The following HERC4 variants were observed in gnomAD, a reference collection of about 807,000 sequenced individuals.
HERC4 encodes HECT and RLD domain containing E3 ubiquitin protein ligase 4, also known as probable E3 ubiquitin-protein ligase HERC4.
In HERC4, 28 loss-of-function variants were observed where a neutral mutation model predicts 124.3. That is an observed-to-expected ratio of 0.23 (90% CI 0.17 to 0.31). The LOEUF is 0.31. Ranked by LOEUF, HERC4 falls within the 10% of genes least tolerant of loss-of-function variation. The pLI, the probability that HERC4 is intolerant of heterozygous loss-of-function variation, is 1.00. For missense variants in HERC4, 713 were observed against 1,229.3 expected (o/e 0.58, Z 6.28); for synonymous variants, 407 against 421.5 (o/e 0.97, Z 0.42).
Position 67,992,224 on chromosome 10 carries a change from C to T in HERC4, c.1246G>A (p.Gly416Arg), listed in dbSNP as rs1376472825. The change falls in exon 11 of 25, where the codon GGA becomes AGA. Residue 416 changes from glycine (G) to arginine (R), a missense_variant. By Grantham distance (125) the Gly-to-Arg change is moderately radical. Transcript: ENST00000373700. ...TTGGCTATCTCCACAGGAAACCTTC[C>T]AGAAGGATAGCTCAGCCATTTCTGA... Reference protein sequence around the residue: ...LIQKWLSYPSGRFPVEIANEI... With the variant: ...LIQKWLSYPSRRFPVEIANEI... 6.2e-7 allele frequency: 1 copy of T among 1,613,868 alleles called. No homozygotes were observed. Among genetic ancestry groups the T allele is most frequent in the East Asian group, 2.2e-5 (1 of 44,884 alleles).
chr10:67,927,706 T>C (rs2031290963), intron 23 of HERC4, among the ~76,000 whole-genome samples: 1 of 152,048 alleles, frequency 6.6e-6, no homozygotes, highest in Non-Finnish European at 1.5e-5. Flanking sequence ...ATTACAGGCA[T>C]GAGCCACTGC....
At chr10:67,989,267 T>C (rs192069466) in intron 14 of HERC4, among the ~76,000 whole-genome samples, 8 of 152,232 alleles carry the variant, frequency 5.3e-5, no homozygotes, top group Admixed American at 5.2e-4. Flanking sequence ...GTTGAAATAT[T>C]GTGAACCACT....
intron 15 of HERC4, among the ~76,000 whole-genome samples, chr10:67,968,917 C>A (rs2035062516): frequency 6.6e-6 from 1 of 152,110 alleles, no homozygotes; most frequent in African/African-American, 2.4e-5. Flanking sequence ...ATCTGAATAA[C>A]AATTTAAACC....
intron 8 of HERC4, among the ~76,000 whole-genome samples, chr10:68,020,328 C>A (rs1357511248): frequency 6.6e-6 from 1 of 151,882 alleles, no homozygotes; most frequent in African/African-American, 2.4e-5. Flanking sequence ...TAGAAACTAT[C>A]CCTGAGAAAG....
At position 67,991,024 on chromosome 10, in the gene HERC4, CAGAAAAGAAAAAAAAAAAT is replaced by C; in HGVS notation, c.1332-28_1332-10del. On this transcript the variant is annotated splice_polypyrimidine_tract_variant and intron_variant, in intron 12 of 24. Coordinates refer to ENST00000373700, the MANE Select transcript of HERC4 (RefSeq NM_015601.4). Reference sequence around the variant, plus strand: ...TATAGTGATCATCATTGCTAAAAAACAGAAAAGAAAAAAAAAAATAGAATAAAAATTTAAAATTATTTCA... The same window carrying C: ...TATAGTGATCATCATTGCTAAAAAACAGAATAAAAATTTAAAATTATTTCA... The C allele has an allele frequency of 7.8e-7, 1 of 1,280,020 alleles. No homozygotes were observed. The highest frequency in any genetic ancestry group is 1.0e-6 in the Non-Finnish European group (1 of 999,070). 79.3% of individuals were successfully genotyped at this position (1,280,020 alleles called of 1,614,324 possible).
chr10:68,025,719 A>C, intron 7 of HERC4, 43 bp from the exon 8 acceptor site: 1 of 1,559,062 alleles, frequency 6.4e-7, no homozygotes, highest in Non-Finnish European at 8.7e-7. Context: ...GGCATGATAA[A>C]AGAAAATAAC....
intron 8 of HERC4, among the ~76,000 whole-genome samples, chr10:68,019,419 T>C (rs1344867953): frequency 6.6e-6 from 1 of 152,058 alleles, no homozygotes; most frequent in Non-Finnish European, 1.5e-5. Flanking sequence ...ATTGAAAAAT[T>C]AGAGATCACA....
rs999049766 is a variant in HERC4 at position 68,073,675 on chromosome 10, T to C, written c.-97A>G. The C allele has an allele frequency of 2.0e-5, 3 of 152,166 alleles. No homozygotes were observed. The highest frequency in any genetic ancestry group is 7.2e-5 in the African/African-American group (3 of 41,410). 9.4% of individuals were successfully genotyped at this position (152,166 alleles called of 1,614,324 possible). On this transcript the variant is annotated 5_prime_UTR_variant, in exon 2 of 25. Transcript: ENST00000373700. The stretch of plus-strand genomic sequence containing the variant: ...TACCTACCTCCACATCAACAGAAAA[T>C]GGAGTTCTTATCTGTAACAGAAATA...
chr10:67,980,862 T>C (rs1176012973), intron 15 of HERC4, among the ~76,000 whole-genome samples: 1 of 152,176 alleles, frequency 6.6e-6, no homozygotes, highest in African/African-American at 2.4e-5. Context: ...AGATAGTATC[T>C]GCAAGCCCCA....
chr10:68,069,504 A>C, intron 3 of HERC4: 1 of 985,438 alleles, frequency 1.0e-6, no homozygotes, highest in East Asian at 1.1e-4. Flanking sequence ...GTGGTCCCTA[A>C]AAAGTCCAGA....
chr10:67,998,558 A>C (rs2037035438), intron 9 of HERC4, among the ~76,000 whole-genome samples: 1 of 38,482 alleles, frequency 2.6e-5, no homozygotes, highest in East Asian at 4.9e-4. Flanking sequence ...ATTGAAAAAA[A>C]AAAAAGGGGG....
intron 9 of HERC4, 168 bp from the exon 10 acceptor site, chr10:67,992,850 C>A (rs927331750): frequency 9.6e-6 from 5 of 521,932 alleles, no homozygotes; most frequent in South Asian, 5.5e-5. Context: ...GGGGATGAGA[C>A]TGACCAAATG....
At chr10:68,025,801 A>T (rs2038868265) in intron 7 of HERC4, 125 bp from the exon 8 acceptor site, 2 of 835,062 alleles carry the variant, frequency 2.4e-6, no homozygotes, top group East Asian at 5.7e-5. Flanking sequence ...CTGTCTTCAC[A>T]ATTTAACAGA....
intron 9 of HERC4, among the ~76,000 whole-genome samples, chr10:68,009,719 C>T: frequency 6.6e-6 from 1 of 152,162 alleles, no homozygotes; most frequent in East Asian, 1.9e-4. Flanking sequence ...CCAGGAGATG[C>T]TGCATGATAG....
chr10:68,072,823 T>C, intron 3 of HERC4, 60 bp downstream of exon 3: 1 of 1,186,914 alleles, frequency 8.4e-7, no homozygotes, highest in Non-Finnish European at 1.2e-6. Context: ...TATACGATGA[T>C]TCAAATTTAA....
intron 19 of HERC4, among the ~76,000 whole-genome samples, chr10:67,947,608 T>A (rs571627312): frequency 1.3e-5 from 2 of 152,226 alleles, no homozygotes; most frequent in African/African-American, 4.8e-5. Context: ...ATAAGACCTA[T>A]CAGACATATA....
intron 12 of HERC4, 59 bp from the exon 13 acceptor site, chr10:67,991,074 T>A (rs904114611): frequency 9.6e-6 from 13 of 1,354,598 alleles, no homozygotes; most frequent in Non-Finnish European, 1.3e-5. Flanking sequence ...TTTCATTTTT[T>A]AATTTGATAT....
intron 9 of HERC4, chr10:67,995,328 A>G (rs1161606127): frequency 1.1e-5 from 5 of 440,526 alleles, no homozygotes; most frequent in African/African-American, 4.4e-5. Flanking sequence ...GCATTACTTC[A>G]TATTGTAGCT....
chr10:68,044,178 C>G (rs1359890561), intron 4 of HERC4, among the ~76,000 whole-genome samples: 1 of 149,526 alleles, frequency 6.7e-6, no homozygotes, highest in Non-Finnish European at 1.5e-5. Flanking sequence ...TTTTTACAGA[C>G]ATAAATTCTA....
Sources: gnomAD v4.1 joint callset for allele counts (sites outside exome capture counted in the v4.1 genomes callset) on GRCh38, gnomAD v4.1.1 for gene constraint, MANE v1.5 for transcripts, NCBI Gene and HGNC (gene_info 2026-07-23, HGNC 2026-07-21) for gene names.